HS6ST3: variants seen among roughly 807,000 people sequenced by gnomAD.
HS6ST3 encodes heparan sulfate 6-O-sulfotransferase 3.
Under a neutral mutation model 36.7 loss-of-function variants are expected in HS6ST3, and 12 were observed. That is an observed-to-expected ratio of 0.33 (90% CI 0.21 to 0.53). The LOEUF is 0.53. HS6ST3 is among the 20% of genes least tolerant of loss of function. HS6ST3 has a pLI of 0.95. For missense variants in HS6ST3, 584 were observed against 640.9 expected, an observed-to-expected ratio of 0.91 and a Z score of 0.96; for synonymous variants, 240 against 257.5, an observed-to-expected ratio of 0.93 and a Z score of 0.65.
chr13:96,786,634 G>A (rs78223986), intron 1 of HS6ST3, among the ~76,000 whole-genome samples: 4,710 of 152,070 alleles, frequency 0.031, 246 homozygotes, highest in African/African-American at 0.11. Flanking sequence ...TAGGCAAAAC[G>A]CATTTGCTTG....
intron 1 of HS6ST3, among the ~76,000 whole-genome samples, chr13:96,815,418 TG>T (rs1208957289): frequency 1.3e-5 from 2 of 152,192 alleles, no homozygotes; most frequent in African/African-American, 4.8e-5. Flanking sequence ...TTCCCAGGTA[TG>T]GGGCAGTGGG....
intron 1 of HS6ST3, among the ~76,000 whole-genome samples, chr13:96,830,606 C>T (rs927367777): frequency 5.3e-5 from 8 of 152,154 alleles, no homozygotes; most frequent in Middle Eastern, 3.2e-3. Flanking sequence ...GCCCTCTGGA[C>T]GCCAGGTTGA....
At chr13:96,109,430 C>G (rs968723750) in intron 1 of HS6ST3, among the ~76,000 whole-genome samples, 1 of 152,156 alleles carries the variant, frequency 6.6e-6, no homozygotes, top group African/African-American at 2.4e-5. Flanking sequence ...ATGAGATGGG[C>G]TGGAAGAAGG....
intron 1 of HS6ST3, among the ~76,000 whole-genome samples, chr13:96,216,987 T>C (rs1376669161): frequency 1.3e-5 from 2 of 152,160 alleles, no homozygotes; most frequent in East Asian, 3.9e-4. Context: ...GAGAAGTCAC[T>C]GTGACCACAC....
At chr13:96,222,424 A>G (rs992065423) in intron 1 of HS6ST3, among the ~76,000 whole-genome samples, 2 of 152,222 alleles carry the variant, frequency 1.3e-5, no homozygotes, top group Admixed American at 1.3e-4. Flanking sequence ...ATTAAAGAAC[A>G]TAGTAAAGCC....
At chr13:96,661,276 T>C (rs1253034162) in intron 1 of HS6ST3, among the ~76,000 whole-genome samples, 1 of 152,176 alleles carries the variant, frequency 6.6e-6, no homozygotes, top group South Asian at 2.1e-4. Flanking sequence ...GTCTATCTCC[T>C]TTCTTAGGTC....
chr13:96,278,068 T>C (rs2139392139), intron 1 of HS6ST3, among the ~76,000 whole-genome samples: 1 of 152,336 alleles, frequency 6.6e-6, no homozygotes, highest in Non-Finnish European at 1.5e-5. Context: ...ATGGCTAACC[T>C]GTCTTAGGAG....
intron 1 of HS6ST3, among the ~76,000 whole-genome samples, chr13:96,254,430 A>T (rs112419201): frequency 4.5e-5 from 2 of 44,024 alleles, no homozygotes; most frequent in African/African-American, 1.6e-4. Context: ...AAAAAAAAAA[A>T]AAAAAAAAAA....
chr13:96,619,005 G>GT (rs371128059), intron 1 of HS6ST3, among the ~76,000 whole-genome samples: 535 of 143,488 alleles, frequency 3.7e-3, no homozygotes, highest in South Asian at 4.0e-3. Flanking sequence ...GAGGAGTTGG[G>GT]TTTTTTTTTT....
At chr13:96,369,705 C>A (rs1191494896) in intron 1 of HS6ST3, among the ~76,000 whole-genome samples, 1 of 152,052 alleles carries the variant, frequency 6.6e-6, no homozygotes, top group African/African-American at 2.4e-5. Flanking sequence ...GGCTTTGCTG[C>A]ACATCAATCA....
At chr13:96,389,332 A>G (rs1054076922) in intron 1 of HS6ST3, among the ~76,000 whole-genome samples, 3 of 152,170 alleles carry the variant, frequency 2.0e-5, no homozygotes, top group Non-Finnish European at 4.4e-5. Flanking sequence ...CGATTTTACT[A>G]TCTATATGTA....
intron 1 of HS6ST3, among the ~76,000 whole-genome samples, chr13:96,623,049 T>C (rs1265244717): frequency 6.6e-6 from 1 of 152,232 alleles, no homozygotes; most frequent in African/African-American, 2.4e-5. Flanking sequence ...TCTGAAATCC[T>C]TAGGATCTAT....
chr13:96,803,299 A>C (rs539350412), intron 1 of HS6ST3, among the ~76,000 whole-genome samples: 31 of 152,294 alleles, frequency 2.0e-4, no homozygotes, highest in African/African-American at 7.2e-4. Flanking sequence ...AACACTTCTC[A>C]TCTTTGCAGA....
intron 1 of HS6ST3, among the ~76,000 whole-genome samples, chr13:96,175,183 C>T (rs564788419): frequency 2.0e-5 from 3 of 152,058 alleles, no homozygotes; most frequent in African/African-American, 4.8e-5. Context: ...AATGTTCTTA[C>T]GTTTGTGTAA....
chr13:96,261,788 C>A (rs982176938), intron 1 of HS6ST3, among the ~76,000 whole-genome samples: 1 of 152,040 alleles, frequency 6.6e-6, no homozygotes. Flanking sequence ...AGAATATGGT[C>A]CCTGTTTTAT....
At chr13:96,485,464 A>G (rs190356975) in intron 1 of HS6ST3, among the ~76,000 whole-genome samples, 49 of 152,264 alleles carry the variant, frequency 3.2e-4, no homozygotes, top group Non-Finnish European at 3.7e-4. Flanking sequence ...AATTGTCTAC[A>G]AGTTTCAGGA....
intron 1 of HS6ST3, among the ~76,000 whole-genome samples, chr13:96,369,495 C>T (rs2055279266): frequency 6.6e-6 from 1 of 152,164 alleles, no homozygotes; most frequent in South Asian, 2.1e-4. Flanking sequence ...TTTTGAGCTG[C>T]CACTGAAGTC....
At position 96,561,544 on chromosome 13, in the gene HS6ST3, A is replaced by G. The variant is rs545189006; in HGVS notation, c.708-270946A>G. On this transcript the variant is annotated intron_variant, in intron 1 of 1. Transcript: ENST00000376705. ...AACAAAAATTGACAAGTGGGACCTA[A>G]GTAAATTAAAGAGCTTCTGCACAGC... Among the ~76,000 whole-genome samples, 14 of 152,254 alleles carry G rather than the reference A, an allele frequency of 9.2e-5. No individual in the cohort carries two copies. The South Asian group carries it at 1.9e-3, about 20-fold the overall frequency.
At chr13:96,454,724 A>G (rs1166621524) in intron 1 of HS6ST3, among the ~76,000 whole-genome samples, 1 of 152,024 alleles carries the variant, frequency 6.6e-6, no homozygotes, top group East Asian at 1.9e-4. Flanking sequence ...CACTATAGAC[A>G]GTAGAAGAAC....
Sources: gnomAD v4.1 joint callset for allele counts (sites outside exome capture counted in the v4.1 genomes callset) on GRCh38, gnomAD v4.1.1 for gene constraint, MANE v1.5 for transcripts, NCBI Gene and HGNC (gene_info 2026-07-23, HGNC 2026-07-21) for gene names.